TEX11: variants seen among roughly 807,000 people sequenced by gnomAD.
The protein encoded by TEX11 is testis-expressed protein 11.
In TEX11, 7 loss-of-function variants were observed where a neutral mutation model predicts 84.4. The observed-to-expected ratio is 0.08, with a 90% CI of 0.05 to 0.16. The LOEUF (loss-of-function observed/expected upper bound fraction) is 0.16, where lower values mean the gene tolerates loss of function less well. TEX11 is among the 10% of genes least tolerant of loss of function. TEX11 has a pLI of 1.00. For missense variants in TEX11, 551 were observed against 660.5 expected, an observed-to-expected ratio of 0.83 and a Z score of 1.82; for synonymous variants, 264 against 222.8, an observed-to-expected ratio of 1.18 and a Z score of -1.64.
At chrX:70,854,540 G>C (rs756834129) in intron 5 of TEX11, among the ~76,000 whole-genome samples, 5 of 110,997 alleles carry the variant, frequency 4.5e-5, no homozygotes, top group Admixed American at 9.6e-5. Context: ...AGACCGGCCT[G>C]AGCAACATAA....
chrX:70,873,026 A>C (rs17216855), intron 4 of TEX11, among the ~76,000 whole-genome samples, 197 bp downstream of exon 4: 20,628 of 110,196 alleles, frequency 0.19, 1,542 homozygotes, highest in Non-Finnish European at 0.22. Context: ...GTTAATAAGG[A>C]GCTAACCTCT....
chrX:70,816,734 T>G (rs921445895), intron 8 of TEX11, among the ~76,000 whole-genome samples: 91 of 109,487 alleles, frequency 8.3e-4, no homozygotes, highest in Non-Finnish European at 1.6e-3. Flanking sequence ...AAAAAAAGTA[T>G]TATTCTTCCA....
chrX:70,766,592 C>A, intron 9 of TEX11, among the ~76,000 whole-genome samples: 1 of 110,573 alleles, frequency 9.0e-6, no homozygotes, highest in African/African-American at 3.3e-5. Context: ...TATCAAAATA[C>A]CAATGACATT....
At chrX:70,677,704 C>T (rs1355526794) in intron 15 of TEX11, among the ~76,000 whole-genome samples, 4 of 110,755 alleles carry the variant, frequency 3.6e-5, no homozygotes, top group East Asian at 2.8e-4. Context: ...CAAATCAGGA[C>T]GCTTGCCAGG....
In TEX11 at chrX:70,780,483, T is replaced by A. The variant is rs773728420; in HGVS notation, c.692+26222A>T. ...GACAGTGGGTGTAGCCCATGGAGGG[T>A]GAACCAAAGCAGGGTGGAGCGTTGA... On this transcript the variant is annotated intron_variant, in intron 9 of 29. Coordinates refer to ENST00000374333, the MANE Select transcript of TEX11 (RefSeq NM_031276.3). 6.3e-5 allele frequency among the ~76,000 whole-genome samples: 7 copies of A among 111,455 alleles called. No homozygotes were observed. In the East Asian group the frequency reaches 2.0e-3, roughly 32 times the overall value.
chrX:70,528,680 G>T (rs928739281), downstream of TEX11, among the ~76,000 whole-genome samples: 22 of 111,000 alleles, frequency 2.0e-4, no homozygotes, highest in Admixed American at 1.6e-3. Flanking sequence ...GTTAGAGAGA[G>T]ATTTCATGAA....
chrX:70,569,716 C>T (rs1244900113), intron 25 of TEX11, among the ~76,000 whole-genome samples: 1 of 111,700 alleles, frequency 9.0e-6, no homozygotes, highest in African/African-American at 3.3e-5. Context: ...GGCTGCAGAA[C>T]AGCGGATTTT....
chrX:70,832,257 T>C, intron 8 of TEX11, among the ~76,000 whole-genome samples: 1 of 111,813 alleles, frequency 8.9e-6, no homozygotes, highest in South Asian at 3.7e-4. Context: ...ACTGCCAAGA[T>C]CATGAATAAC....
At chrX:70,679,239 T>C (rs2090107900) in intron 14 of TEX11, among the ~76,000 whole-genome samples, 1 of 112,049 alleles carries the variant, frequency 8.9e-6, no homozygotes, top group Non-Finnish European at 1.9e-5. Context: ...ATTCACTCCG[T>C]GCTCAATGGT....
At chrX:70,872,231 A>C (rs1240002441) in intron 4 of TEX11, among the ~76,000 whole-genome samples, 2 of 112,136 alleles carry the variant, frequency 1.8e-5, no homozygotes, top group African/African-American at 6.5e-5. Flanking sequence ...ACAGGATCTG[A>C]GGCTCCTGGG....
intron 25 of TEX11, among the ~76,000 whole-genome samples, chrX:70,577,759 C>CTTTTTTTTTTTTTTTTTTTTTTTTTTTTG (rs1213364344): frequency 1.0e-5 from 1 of 96,633 alleles, no homozygotes; most frequent in Non-Finnish European, 2.2e-5. Flanking sequence ...GAGACAGTCT[C>CTTTTTTTTTTTTTTTTTTTTTTTTTTTTG]ACTCTGTCAC....
intron 13 of TEX11, among the ~76,000 whole-genome samples, chrX:70,705,086 G>T (rs2090359718): frequency 9.0e-6 from 1 of 111,714 alleles, no homozygotes; most frequent in African/African-American, 3.2e-5. Context: ...TGTCAGGTTT[G>T]TCAAAGATCA....
intron 4 of TEX11, among the ~76,000 whole-genome samples, chrX:70,868,292 G>A (rs143964896): frequency 0.011 from 1,219 of 112,033 alleles, 8 homozygotes; most frequent in Middle Eastern, 0.028. Context: ...ATCATCACTG[G>A]TCATTAGAGA....
chrX:70,629,726 G>A lies in TEX11; in HGVS notation c.1493C>T (p.Ala498Val). 8.7e-7 allele frequency: 1 copy of A among 1,153,153 alleles called. No individual in the cohort carries two copies. The highest frequency in any genetic ancestry group is 1.2e-6 in the Non-Finnish European group (1 of 856,572). ...TAATATATTCTCTAAAGTAATTATT[G>A]CCTGCAAAGCTGAAAAACAAGAAAA... ...IEGNSERALQ[A>V]IITLENILTD... Residue 498 changes from alanine to valine, a missense_variant, in exon 18 of 30, where the codon GCA becomes GTA. Transcript: ENST00000374333.
chrX:70,844,374 C>T (rs1251265266), intron 7 of TEX11, among the ~76,000 whole-genome samples: 1 of 102,045 alleles, frequency 9.8e-6, no homozygotes, highest in Non-Finnish European at 2.0e-5. Context: ...AAAAACCAAA[C>T]ACCGCATGTT....
chrX:70,515,735 C>T, the TEX11 span, among the ~76,000 whole-genome samples: 1 of 112,505 alleles, frequency 8.9e-6, no homozygotes, highest in East Asian at 2.8e-4. Flanking sequence ...ACAGTCCCAC[C>T]AGCAGTGTAA....
At chrX:70,719,862 A>T (rs911044317) in intron 13 of TEX11, among the ~76,000 whole-genome samples, 1 of 111,435 alleles carries the variant, frequency 9.0e-6, no homozygotes, top group African/African-American at 3.3e-5. Context: ...TTAAAAAGTC[A>T]GGAAACAACA....
rs2089421851 is a variant in TEX11 at position 70,623,841 on chromosome X, T to C, written c.1751+109A>G. Reference sequence around the variant, plus strand: ...ACCCAGGAAGACTGGCCCCAAAACCTGTATTGATCTTACCCACTACACTAA... The same window carrying C: ...ACCCAGGAAGACTGGCCCCAAAACCCGTATTGATCTTACCCACTACACTAA... On this transcript the variant is annotated intron_variant, in intron 20 of 29. Coordinates refer to ENST00000374333, the MANE Select transcript of TEX11 (RefSeq NM_031276.3). 5 of 619,632 alleles carry C rather than the reference T, an allele frequency of 8.1e-6. No homozygotes were observed. The South Asian group carries it at 2.5e-4, about 31-fold the overall frequency. 51.1% of individuals were successfully genotyped at this position (619,632 alleles called of 1,213,427 possible).
Position 70,742,034 on chromosome X carries a change from C to T in TEX11, c.748-1238G>A, listed in dbSNP as rs756523560. Among the ~76,000 whole-genome samples the T allele has an allele frequency of 3.7e-4, 41 of 111,334 alleles. 1 individual carries two copies. The highest frequency in any genetic ancestry group is 1.9e-3 in the Admixed American group (20 of 10,315). The stretch of plus-strand genomic sequence containing the variant: ...ATGCTCTTATGAATTCTAGGCTCTA[C>T]GAATTTTCCCAAAGTAAACACATGT... On this transcript the variant is annotated intron_variant, in intron 10 of 29. Coordinates refer to ENST00000374333, the MANE Select transcript of TEX11 (RefSeq NM_031276.3).
Sources: allele counts gnomAD v4.1 joint callset (sites outside exome capture counted in the v4.1 genomes callset), GRCh38; gene constraint gnomAD v4.1.1; transcripts MANE v1.5; gene names NCBI Gene and HGNC (gene_info 2026-07-23, HGNC 2026-07-21).